ZSWIM5: variants seen among roughly 807,000 people sequenced by gnomAD.
ZSWIM5 encodes zinc finger SWIM-type containing 5.
In ZSWIM5, 55 loss-of-function variants were observed where a neutral mutation model predicts 119.6. The observed-to-expected ratio is 0.46, with a 90% CI of 0.37 to 0.58. The LOEUF is 0.58. Ranked by LOEUF, ZSWIM5 falls within the 20% of genes least tolerant of loss-of-function variation. The pLI is 0.00. For synonymous variants in ZSWIM5, 537 were observed against 606.9 expected (o/e 0.88, Z 1.69); for missense variants, 1,193 against 1,512.8 (o/e 0.79, Z 3.51).
rs2148985029 is a variant in ZSWIM5, at chr1:45,017,434, C to T, written c.*1020G>A. On this transcript the variant is annotated 3_prime_UTR_variant, in exon 14 of 14. Coordinates refer to ENST00000359600, the MANE Select transcript of ZSWIM5 (RefSeq NM_020883.2). ...CACATGTACACAAAATGTGTATATC[C>T]TCACGTAGAAACTCACAGTCCAGTG... The T allele has an allele frequency of 1.3e-5, 2 of 152,328 alleles. No homozygotes were observed. Among genetic ancestry groups the T allele is most frequent in the Middle Eastern group, 3.4e-3 (1 of 294 alleles). The allele number at this position is 152,328 out of a possible 1,614,324, so 9.4% of individuals were successfully genotyped here. A position where few individuals can be genotyped will look rare whatever the true frequency, so the allele number is the denominator to read the frequency against.
At chr1:45,166,359 A>G (rs1025071452) in intron 1 of ZSWIM5, among the ~76,000 whole-genome samples, 2 of 152,118 alleles carry the variant, frequency 1.3e-5, no homozygotes, top group African/African-American at 2.4e-5. Flanking sequence ...CACAACCAAT[A>G]TAATACTGAA....
intron 1 of ZSWIM5, among the ~76,000 whole-genome samples, chr1:45,161,656 C>A (rs186117716): frequency 6.6e-6 from 1 of 152,234 alleles, no homozygotes; most frequent in African/African-American, 2.4e-5. Context: ...GTTCACTTTT[C>A]CCTATTGTAG....
intron 11 of ZSWIM5, among the ~76,000 whole-genome samples, chr1:45,030,887 C>G (rs552211019): frequency 4.0e-5 from 6 of 148,470 alleles, no homozygotes; most frequent in African/African-American, 1.5e-4. Context: ...ACCTCTGTCT[C>G]CCTGATTCAA....
intron 5 of ZSWIM5, among the ~76,000 whole-genome samples, chr1:45,044,562 A>G (rs919666609): frequency 2.7e-5 from 4 of 146,468 alleles, no homozygotes; most frequent in Non-Finnish European, 4.5e-5. Context: ...TCTCTACTAA[A>G]AATACAAAAA....
intron 1 of ZSWIM5, among the ~76,000 whole-genome samples, chr1:45,204,944 A>G (rs571850595): frequency 6.6e-6 from 1 of 152,304 alleles, no homozygotes; most frequent in South Asian, 2.1e-4. Flanking sequence ...CAAACTGACT[A>G]GAAGCTCCGG....
intron 1 of ZSWIM5, among the ~76,000 whole-genome samples, chr1:45,164,768 T>C (rs912142568): frequency 2.6e-5 from 4 of 152,114 alleles, no homozygotes; most frequent in African/African-American, 4.8e-5. Context: ...AAGAGCTAAC[T>C]ATCCTAAATA....
At chr1:45,070,335 GT>G (rs1476490772) in intron 2 of ZSWIM5, 1 of 1,411,016 alleles carries the variant, frequency 7.1e-7, no homozygotes, top group Non-Finnish European at 1.0e-6. Flanking sequence ...AGCATACACA[GT>G]CATGGCCAAC....
intron 1 of ZSWIM5, among the ~76,000 whole-genome samples, chr1:45,160,100 G>T (rs1372299027): frequency 6.6e-6 from 1 of 152,060 alleles, no homozygotes; most frequent in African/African-American, 2.4e-5. Flanking sequence ...AAATAGAAAA[G>T]GGTCCTGAAA....
At chr1:45,067,122 T>C (rs1364193193) in intron 2 of ZSWIM5, among the ~76,000 whole-genome samples, 1 of 152,042 alleles carries the variant, frequency 6.6e-6, no homozygotes, top group East Asian at 1.9e-4. Flanking sequence ...AGTCTAACGC[T>C]CAAAAGATAT....
intron 1 of ZSWIM5, among the ~76,000 whole-genome samples, chr1:45,138,138 T>C (rs1645700960): frequency 6.6e-6 from 1 of 151,998 alleles, no homozygotes; most frequent in Non-Finnish European, 1.5e-5. Context: ...ACAACATGGG[T>C]CAACTTATAC....
At chr1:45,120,639 T>A (rs556636345) in intron 1 of ZSWIM5, among the ~76,000 whole-genome samples, 25 of 151,476 alleles carry the variant, frequency 1.7e-4, no homozygotes, top group African/African-American at 5.8e-4. Context: ...GGCTAGTTTT[T>A]CTTTCTTTTT....
intron 1 of ZSWIM5, among the ~76,000 whole-genome samples, chr1:45,106,282 G>A (rs1343368053): frequency 1.9e-4 from 28 of 143,642 alleles, no homozygotes; most frequent in Non-Finnish European, 3.9e-4. Context: ...CCTCTGGGAG[G>A]TGGGGAGCGC....
intron 6 of ZSWIM5, among the ~76,000 whole-genome samples, chr1:45,043,010 A>C (rs1341251513): frequency 6.6e-6 from 1 of 152,154 alleles, no homozygotes; most frequent in Admixed American, 6.5e-5. Context: ...ACAGGATGCA[A>C]ATTCTTATTT....
chr1:45,018,294 G>A lies in ZSWIM5; in HGVS notation c.*160C>T, dbSNP rs1362883084. The A allele has an allele frequency of 6.8e-6, 6 of 877,658 alleles. No homozygotes were observed. Among genetic ancestry groups the A allele is most frequent in the Admixed American group, 5.8e-5 (2 of 34,614 alleles). The allele number at this position is 877,658 out of a possible 1,614,324, so 54.4% of individuals were successfully genotyped here. A position where few individuals can be genotyped will look rare whatever the true frequency, so the allele number is the denominator to read the frequency against. On this transcript the variant is annotated 3_prime_UTR_variant, in exon 14 of 14. Transcript: ENST00000359600. The surrounding 1 kb of genome is among the most constrained non-coding windows in gnomAD (Gnocchi z 6.7). ...GAAGCTTGCCAAGGTAGGCATTATC[G>A]ACTAGAGCTGGACTTTCCCCATCCT...
rs1362951439 is a variant in ZSWIM5, at chr1:45,020,170, C to T, written c.2614-23G>A. 3 of 1,608,820 alleles carry T rather than the reference C, an allele frequency of 1.9e-6. No individual in the cohort carries two copies. The Admixed American group carries it at 5.0e-5, about 27-fold the overall frequency. ...CACCTGGGCACAAAAGAGGCCTTTC[C>T]AGTGGGCTATGCCTAACTGTTGTGA... On this transcript the variant is annotated intron_variant, in intron 12 of 13. Transcript: ENST00000359600.
chr1:45,122,258 A>G (rs1398392721), intron 1 of ZSWIM5, among the ~76,000 whole-genome samples: 3 of 152,234 alleles, frequency 2.0e-5, no homozygotes, highest in Admixed American at 6.5e-5. Flanking sequence ...TTGACCTTTC[A>G]GTACCACAGC....
At position 45,016,697 on chromosome 1, in the gene ZSWIM5, C is replaced by T. The variant is rs1644856000; in HGVS notation, c.*1757G>A. The T allele has an allele frequency of 6.6e-6, 1 of 152,174 alleles. No homozygotes were observed. The highest frequency in any genetic ancestry group is 1.5e-5 in the Non-Finnish European group (1 of 68,046). 9.4% of individuals were successfully genotyped at this position (152,174 alleles called of 1,614,324 possible). ...GTTCTTAGTTCACATTCTAGCTATACCACCCCTTCCCTATCAAACCCCACC... is the reference window on the plus strand; with the variant it reads ...GTTCTTAGTTCACATTCTAGCTATATCACCCCTTCCCTATCAAACCCCACC... On this transcript the variant is annotated 3_prime_UTR_variant, in exon 14 of 14. Coordinates refer to ENST00000359600, the MANE Select transcript of ZSWIM5 (RefSeq NM_020883.2).
At chr1:45,071,139 A>G (rs369445160) in intron 2 of ZSWIM5, among the ~76,000 whole-genome samples, 7 of 152,286 alleles carry the variant, frequency 4.6e-5, no homozygotes, top group African/African-American at 1.7e-4. Context: ...ATACTCTTTC[A>G]GTGATTTAAA....
rs143339183 is a variant in ZSWIM5 at position 45,067,359 on chromosome 1, A to C, written c.953-7112T>G. Among the ~76,000 whole-genome samples the C allele has an allele frequency of 2.6e-3, 394 of 151,858 alleles. 2 individuals are homozygous for C. Among genetic ancestry groups the C allele is most frequent in the Non-Finnish European group, 4.2e-3 (287 of 67,956 alleles). ...GAGGCTGAGGTGGGAGGATCACCTG[A>C]GCCCAGGGAGACTAAGGCTGCAGTG... On this transcript the variant is annotated intron_variant, in intron 2 of 13. Transcript: ENST00000359600.
Sources: allele counts gnomAD v4.1 joint callset (sites outside exome capture counted in the v4.1 genomes callset), GRCh38; gene constraint gnomAD v4.1.1; non-coding constraint Gnocchi (gnomAD v3.1); transcripts MANE v1.5; gene names NCBI Gene and HGNC (gene_info 2026-07-23, HGNC 2026-07-21).